The following CLOCK variants were observed in gnomAD, a reference collection of about 807,000 sequenced individuals.
CLOCK encodes clock circadian regulator, also known as circadian locomoter output cycles protein kaput.
A neutral mutation model predicts 118.4 loss-of-function variants in CLOCK; 43 were observed. That is an observed-to-expected ratio of 0.36 (90% CI 0.28 to 0.47). The LOEUF (loss-of-function observed/expected upper bound fraction) is 0.47, where lower values mean the gene tolerates loss of function less well. Ranked by LOEUF, CLOCK falls within the 20% of genes least tolerant of loss-of-function variation. The pLI is 1.00. For missense variants in CLOCK, 846 were observed against 999.9 expected, an observed-to-expected ratio of 0.85 and a Z score of 2.08; for synonymous variants, 326 against 339.2, an observed-to-expected ratio of 0.96 and a Z score of 0.43.
At chr4:55,491,691 T>C (rs13152650) in intron 2 of CLOCK, among the ~76,000 whole-genome samples, 93,025 of 151,764 alleles carry the variant, frequency 0.61, 29,338 homozygotes, top group South Asian at 0.81. Context: ...CTATAAACAA[T>C]CCAGATGTTC....
At chr4:55,485,888 CAAATTA>C (rs1727266400) in intron 3 of CLOCK, among the ~76,000 whole-genome samples, 1 of 151,994 alleles carries the variant, frequency 6.6e-6, no homozygotes, top group Non-Finnish European at 1.5e-5. Flanking sequence ...GGTACCCACA[CAAATTA>C]AAATTAAAAT....
intron 8 of CLOCK, among the ~76,000 whole-genome samples, chr4:55,467,892 A>T (rs1725842924): frequency 6.6e-6 from 1 of 152,322 alleles, no homozygotes; most frequent in Middle Eastern, 3.4e-3. Context: ...GTAAAGTCAA[A>T]GTTATTTTCT....
At chr4:55,538,110 G>T (rs1364592501) in intron 1 of CLOCK, among the ~76,000 whole-genome samples, 3 of 152,064 alleles carry the variant, frequency 2.0e-5, no homozygotes, top group East Asian at 1.9e-4. Flanking sequence ...ATCTCTACAG[G>T]TTATACAGAT....
rs375990165 is a variant in CLOCK at position 55,523,929 on chromosome 4, C to A, written c.-289-13864G>T. Among the ~76,000 whole-genome samples the A allele has an allele frequency of 4.6e-5, 7 of 152,202 alleles. No homozygotes were observed. The East Asian group carries it at 1.4e-3, about 29-fold the overall frequency. Reference sequence around the variant, plus strand: ...TTAAGCATCAATTAAAATGAGCAATCCAACAACTTTTTTCTTTTTAAATAA... The same window carrying A: ...TTAAGCATCAATTAAAATGAGCAATACAACAACTTTTTTCTTTTTAAATAA... On this transcript the variant is annotated intron_variant, in intron 1 of 22. Coordinates refer to ENST00000513440, the MANE Select transcript of CLOCK (RefSeq NM_004898.4).
At position 55,428,960 on chromosome 4, in the gene CLOCK, C is replaced by G. The variant is rs1392128242; in HGVS notation, c.*6455G>C. The G allele has an allele frequency of 6.9e-6, 1 of 144,892 alleles. No individual in the cohort carries two copies. Among genetic ancestry groups the G allele is most frequent in the East Asian group, 2.0e-4 (1 of 4,926 alleles). 9.0% of individuals were successfully genotyped at this position (144,892 alleles called of 1,614,324 possible). A position where few individuals can be genotyped will look rare whatever the true frequency, so the allele number is the denominator to read the frequency against. On this transcript the variant is annotated 3_prime_UTR_variant, in exon 23 of 23. Coordinates refer to ENST00000513440, the MANE Select transcript of CLOCK (RefSeq NM_004898.4). ...CAGTATGGTCTGAATGGTAACTGTT[C>G]TGGCTGACACATCTTTTTTTTTTTT...
intron 20 of CLOCK, 130 bp from the exon 21 acceptor site, chr4:55,442,764 G>A: frequency 2.4e-6 from 2 of 823,596 alleles, no homozygotes; most frequent in Non-Finnish European, 4.0e-6. Context: ...ATTACTCTGG[G>A]GGAAATATAA....
rs1260265783 is a variant in CLOCK, at chr4:55,428,703, C to T, written c.*6712G>A. 2.0e-5 allele frequency: 3 copies of T among 152,020 alleles called. No homozygotes were observed. The highest frequency in any genetic ancestry group is 7.2e-5 in the African/African-American group (3 of 41,388). 9.4% of individuals were successfully genotyped at this position (152,020 alleles called of 1,614,324 possible). ...AATGTCAAGAATATCACATTGAGAA[C>T]CACACAGAACATTATAAAGAATTTG... is the stretch of plus-strand genomic sequence containing the variant. On this transcript the variant is annotated 3_prime_UTR_variant, in exon 23 of 23. Transcript: ENST00000513440.
intron 16 of CLOCK, among the ~76,000 whole-genome samples, chr4:55,449,889 C>T (rs551283336): frequency 1.3e-5 from 2 of 152,314 alleles, no homozygotes; most frequent in South Asian, 2.1e-4. Flanking sequence ...ACCACCTACA[C>T]ATTTTAATAG....
intron 12 of CLOCK, 57 bp from the exon 13 acceptor site, chr4:55,456,060 C>T: frequency 1.4e-6 from 2 of 1,432,418 alleles, no homozygotes; most frequent in Non-Finnish European, 1.9e-6. Context: ...AGAAATATTT[C>T]AACTAGAAAT....
In CLOCK at chr4:55,519,245, C is replaced by A. The variant is rs558144183; in HGVS notation, c.-289-9180G>T. 1.3e-4 allele frequency among the ~76,000 whole-genome samples: 20 copies of A among 152,138 alleles called. No homozygotes were observed. In the South Asian group the frequency reaches 3.9e-3, roughly 30 times the overall value. Reference sequence around the variant, plus strand: ...TTTTAAAAAAAGTTTTTTGTAAAGACAAGGTCTCACTATGTTGCCCAGGCT... The same window carrying A: ...TTTTAAAAAAAGTTTTTTGTAAAGAAAAGGTCTCACTATGTTGCCCAGGCT... On this transcript the variant is annotated intron_variant, in intron 1 of 22. Transcript: ENST00000513440.
intron 22 of CLOCK, among the ~76,000 whole-genome samples, 158 bp downstream of exon 22, chr4:55,438,124 C>T (rs899849255): frequency 4.6e-5 from 7 of 152,176 alleles, no homozygotes; most frequent in Non-Finnish European, 7.3e-5. Flanking sequence ...GAAAAAAAAT[C>T]GCCAACCAGA....
At chr4:55,532,769 C>T (rs188384573) in intron 1 of CLOCK, among the ~76,000 whole-genome samples, 6 of 152,048 alleles carry the variant, frequency 3.9e-5, no homozygotes, top group Non-Finnish European at 5.9e-5. Context: ...ATCATTTGAG[C>T]CCAGGAGTTC....
At chr4:55,512,697 A>C (rs1328272500) in intron 1 of CLOCK, among the ~76,000 whole-genome samples, 1 of 152,162 alleles carries the variant, frequency 6.6e-6, no homozygotes, top group Non-Finnish European at 1.5e-5. Context: ...ATACTTTTAC[A>C]ATTTACATTT....
Position 55,435,212 on chromosome 4 carries a change from G to T in CLOCK, c.*203C>A. The T allele has an allele frequency of 1.6e-6, 1 of 614,620 alleles. No individual in the cohort carries two copies. The highest frequency in any genetic ancestry group is 2.9e-6 in the Non-Finnish European group (1 of 346,840). The allele number at this position is 614,620 out of a possible 1,614,324, so 38.1% of individuals were successfully genotyped here. A position where few individuals can be genotyped will look rare whatever the true frequency, so the allele number is the denominator to read the frequency against. ...CTGTCAGAACTGGCTATGCCCCTAT[G>T]ATCACCTCCTGCTGGCTGGTATTTA... is the stretch of plus-strand genomic sequence containing the variant. On this transcript the variant is annotated 3_prime_UTR_variant, in exon 23 of 23. Coordinates refer to ENST00000513440, the MANE Select transcript of CLOCK (RefSeq NM_004898.4).
chr4:55,484,164 T>C (rs1015167839), intron 3 of CLOCK, among the ~76,000 whole-genome samples: 23 of 151,844 alleles, frequency 1.5e-4, no homozygotes, highest in Admixed American at 1.4e-3. Context: ...GCTGCAGAAG[T>C]AGAACTGTGA....
At chr4:55,456,066 G>A in intron 12 of CLOCK, 63 bp from the exon 13 acceptor site, 1 of 1,020,140 alleles carries the variant, frequency 9.8e-7, no homozygotes, top group Non-Finnish European at 1.4e-6. Context: ...ATTTCAACTA[G>A]AAATAAACTT....
intron 2 of CLOCK, among the ~76,000 whole-genome samples, chr4:55,499,003 T>C (rs1213165491): frequency 2.0e-5 from 3 of 152,258 alleles, no homozygotes; most frequent in Non-Finnish European, 4.4e-5. Flanking sequence ...GTATTTCATA[T>C]ATTGTATTTT....
Position 55,435,485 on chromosome 4 carries a change from T to C in CLOCK, c.2471A>G (p.Gln824Arg). ...PQSHHQQHQSQQQQQLSRHRT... is the reference protein window; with the variant it reads ...PQSHHQQHQSRQQQQLSRHRT... ...GTGCCGGCTGAGTTGCTGCTGTTGC[T>C]GAGACTGATGTTGCTGGTGATGTGA... Residue 824 changes from glutamine (Q) to arginine (R), a missense_variant, in exon 23 of 23, where the codon CAG becomes CGG. Physicochemically the swap from Gln to Arg is conservative, Grantham distance 43. Around this residue, in one of 4 missense-constraint regions of CLOCK, gnomAD observed 520 missense variants for 558.0 expected, o/e 0.93. Transcript: ENST00000513440. 6.2e-7 allele frequency: 1 copy of C among 1,614,020 alleles called. No individual in the cohort carries two copies. The highest frequency in any genetic ancestry group is 1.7e-5 in the Admixed American group (1 of 60,016).
At chr4:55,484,226 T>C (rs534450282) in intron 3 of CLOCK, among the ~76,000 whole-genome samples, 3 of 152,154 alleles carry the variant, frequency 2.0e-5, no homozygotes, top group East Asian at 3.9e-4. Context: ...GGTCTTACTC[T>C]GTTGCCCAGG....
Sources: gnomAD v4.1 joint callset for allele counts (sites outside exome capture counted in the v4.1 genomes callset) on GRCh38, gnomAD v4.1.1 for gene constraint, gnomAD v4.1.1 regional missense constraint, MANE v1.5 for transcripts, NCBI Gene and HGNC (gene_info 2026-07-23, HGNC 2026-07-21) for gene names.